Variants in CATSPERB observed in about 807,000 individuals in gnomAD.
The protein encoded by CATSPERB is cation channel sperm-associated auxiliary subunit beta.
CATSPERB carries 93 observed loss-of-function variants against 128.3 expected under a neutral mutation model. The ratio of observed to expected loss-of-function variants is 0.72; its 90% CI spans 0.61 to 0.86. The LOEUF is 0.86. Among genes scored for constraint, CATSPERB ranks in the 40% least tolerant of loss-of-function variants. The probability of loss-of-function intolerance (pLI) is 0.00; values close to 1 mark genes in which losing one functional copy is unlikely to be tolerated. For missense variants in CATSPERB, 1,153 were observed against 1,329.5 expected (o/e 0.87, Z 2.06); for synonymous variants, 381 against 448.8 (o/e 0.85, Z 1.91).
intron 21 of CATSPERB, among the ~76,000 whole-genome samples, chr14:91,609,586 T>A (rs969674299): frequency 6.6e-6 from 1 of 152,238 alleles, no homozygotes; most frequent in South Asian, 2.1e-4. Context: ...TTTGTGTGTG[T>A]AAGTTTTGAT....
At chr14:91,613,556 A>T (rs1893874262) in intron 20 of CATSPERB, among the ~76,000 whole-genome samples, 2 of 152,232 alleles carry the variant, frequency 1.3e-5, no homozygotes, top group African/African-American at 4.8e-5. Context: ...AGAAGTGAGC[A>T]GGAAGAAGAG....
At chr14:91,606,877 G>A (rs1893714903) in intron 22 of CATSPERB, among the ~76,000 whole-genome samples, 1 of 55,406 alleles carries the variant, frequency 1.8e-5, no homozygotes, top group Admixed American at 2.1e-4. Context: ...AGAAAATCCT[G>A]GTGAAAAACC....
At chr14:91,594,141 G>A (rs184191549) in intron 22 of CATSPERB, among the ~76,000 whole-genome samples, 20 of 152,304 alleles carry the variant, frequency 1.3e-4, no homozygotes, top group African/African-American at 4.3e-4. Flanking sequence ...GGAATACTAT[G>A]CAGCCATAAA....
intron 2 of CATSPERB, among the ~76,000 whole-genome samples, chr14:91,727,981 T>G (rs1027983844): frequency 6.6e-6 from 1 of 152,208 alleles, no homozygotes; most frequent in East Asian, 1.9e-4. Context: ...AGACACTCTT[T>G]CAATAGTTAA....
chr14:91,595,005 T>C (rs555180800), intron 22 of CATSPERB, among the ~76,000 whole-genome samples: 4 of 152,238 alleles, frequency 2.6e-5, no homozygotes, highest in Admixed American at 1.3e-4. Flanking sequence ...TGAAGACTTG[T>C]AGTCAAGAAA....
intron 7 of CATSPERB, among the ~76,000 whole-genome samples, chr14:91,700,238 C>T (rs1467310620): frequency 6.6e-6 from 1 of 152,158 alleles, no homozygotes; most frequent in African/African-American, 2.4e-5. Flanking sequence ...CAGCTTCATC[C>T]ATGTCCTGCA....
chr14:91,641,010 GT>G (rs1272814878), intron 15 of CATSPERB, among the ~76,000 whole-genome samples: 251 of 143,198 alleles, frequency 1.8e-3, no homozygotes, highest in African/African-American at 6.1e-3. Context: ...TTTTTCATGT[GT>G]TTTTTGGCTG....
chr14:91,691,356 A>T (rs1772914538), intron 10 of CATSPERB, among the ~76,000 whole-genome samples, 167 bp downstream of exon 10: 1 of 152,142 alleles, frequency 6.6e-6, no homozygotes, highest in South Asian at 2.1e-4. Flanking sequence ...TATAAATAAT[A>T]TATGCTACAA....
intron 10 of CATSPERB, among the ~76,000 whole-genome samples, chr14:91,689,702 ATTC>A (rs1359179451): frequency 6.6e-6 from 1 of 151,920 alleles, no homozygotes; most frequent in East Asian, 1.9e-4. Context: ...TAGATGGATT[ATTC>A]TTTAATCTTG....
intron 17 of CATSPERB, among the ~76,000 whole-genome samples, chr14:91,631,646 CA>C (rs1894279818): frequency 6.6e-6 from 1 of 151,938 alleles, no homozygotes; most frequent in Admixed American, 6.6e-5. Context: ...GCCTGGGCAA[CA>C]AGAACAAAAC....
rs762507130 is a variant in CATSPERB, at chr14:91,581,046, G to C, written c.3194C>G (p.Ala1065Gly). ...AAAAATTAATCCCCCTAGCACTACC[G>C]CTGTTGCCACGGCAATAAGCGTGTG... ...PGHTLIAVAT[A>G]VVLGGLIFIA... The change falls in exon 27 of 27, where the codon GCG (alanine) becomes GGG (glycine). Residue 1065 changes from alanine (A) to glycine (G), a missense_variant. Physicochemically the swap from Ala to Gly is moderately conservative, Grantham distance 60. Transcript: ENST00000256343. The C allele has an allele frequency of 6.2e-7, 1 of 1,614,192 alleles. No homozygotes were observed. The highest frequency in any genetic ancestry group is 1.1e-5 in the South Asian group (1 of 91,078).
chr14:91,692,273 C>T (rs1368522042), intron 9 of CATSPERB, among the ~76,000 whole-genome samples: 4 of 151,966 alleles, frequency 2.6e-5, no homozygotes, highest in Non-Finnish European at 5.9e-5. Flanking sequence ...ATTATTTTCT[C>T]CTTTGCCACT....
chr14:91,592,108 T>C, intron 22 of CATSPERB, 106 bp from the exon 23 acceptor site: 2 of 757,496 alleles, frequency 2.6e-6, no homozygotes, highest in South Asian at 1.5e-5. Flanking sequence ...GTGGAATTCC[T>C]GAGAAGTTAA....
In CATSPERB at chr14:91,693,414, T is replaced by C; in HGVS notation, c.682A>G (p.Thr228Ala). 6.2e-7 allele frequency: 1 copy of C among 1,614,060 alleles called. No homozygotes were observed. The highest frequency in any genetic ancestry group is 8.5e-7 in the Non-Finnish European group (1 of 1,179,932). Residue 228 changes from threonine to alanine, a missense_variant, in exon 8 of 27, where the codon ACA (threonine) becomes GCA (alanine). Thr to Ala is a moderately conservative substitution (Grantham distance 58). Transcript: ENST00000256343. ...HDYDTTWFNMTQTIYSQLQEE... is the reference protein window; with the variant it reads ...HDYDTTWFNMAQTIYSQLQEE... ...TGAAGTTGGGAATAGATAGTCTGTG[T>C]CATGTTAAACCATGTGGTATCATAA... is the stretch of plus-strand genomic sequence containing the variant.
At chr14:91,713,308 A>G (rs753231022) in intron 5 of CATSPERB, among the ~76,000 whole-genome samples, 1 of 151,990 alleles carries the variant, frequency 6.6e-6, no homozygotes, top group African/African-American at 2.4e-5. Flanking sequence ...AGCAAATTAA[A>G]CCCAGTGCAA....
At position 91,608,340 on chromosome 14, in the gene CATSPERB, G is replaced by A; in HGVS notation, c.2663C>T (p.Ala888Val). ...AIPLTDNFYHADPSKPIPRNM... is the reference protein window; with the variant it reads ...AIPLTDNFYHVDPSKPIPRNM... ...TCTTGGTATGGGTTTGCTAGGATCT[G>A]CATGATAAAAATTATCTGTGAGTGG... The change falls in exon 22 of 27, where the codon GCA becomes GTA. Residue 888 changes from alanine to valine, a missense_variant. By Grantham distance (64) the Ala-to-Val change is moderately conservative (BLOSUM62 0). Coordinates refer to ENST00000256343, the MANE Select transcript of CATSPERB (RefSeq NM_024764.4). 6.2e-7 allele frequency: 1 copy of A among 1,612,738 alleles called. No homozygotes were observed. Among genetic ancestry groups the A allele is most frequent in the African/African-American group, 1.3e-5 (1 of 75,008 alleles).
chr14:91,609,160 C>A (rs1893772188), intron 21 of CATSPERB, among the ~76,000 whole-genome samples: 1 of 151,872 alleles, frequency 6.6e-6, no homozygotes, highest in Admixed American at 6.6e-5. Context: ...GAAACTGCAG[C>A]TGAAGAACCT....
At chr14:91,613,018 AT>A (rs942862340) in intron 20 of CATSPERB, among the ~76,000 whole-genome samples, 265 of 151,752 alleles carry the variant, frequency 1.7e-3, no homozygotes, top group African/African-American at 6.2e-3. Context: ...ACTGACTATA[AT>A]TTTTTTTTAG....
intron 22 of CATSPERB, among the ~76,000 whole-genome samples, chr14:91,600,668 G>A (rs561466529): frequency 9.5e-4 from 144 of 152,328 alleles, no homozygotes; most frequent in Non-Finnish European, 1.7e-3. Context: ...CACTGTCTCA[G>A]ATTTTAAGCC....
Sources: allele counts gnomAD v4.1 joint callset (sites outside exome capture counted in the v4.1 genomes callset), GRCh38; gene constraint gnomAD v4.1.1; transcripts MANE v1.5; gene names NCBI Gene and HGNC (gene_info 2026-07-23, HGNC 2026-07-21).